The following LIN54 variants were observed in gnomAD, a reference collection of about 807,000 sequenced individuals.
LIN54 encodes the protein protein lin-54 homolog.
A neutral mutation model predicts 78.7 loss-of-function variants in LIN54; 9 were observed. The ratio of observed to expected loss-of-function variants is 0.11; its 90% confidence interval spans 0.07 to 0.20. The LOEUF is 0.20. LIN54 is among the 10% of genes least tolerant of loss of function. The pLI, the probability that LIN54 is intolerant of heterozygous loss-of-function variation, is 1.00. For synonymous variants in LIN54, 269 were observed against 318.4 expected (o/e 0.84, Z 1.65); for missense variants, 573 against 889.9 (o/e 0.64, Z 4.53).
intron 1 of LIN54, among the ~76,000 whole-genome samples, chr4:83,000,965 G>C (rs188469182): frequency 1.3e-5 from 2 of 151,512 alleles, no homozygotes; most frequent in African/African-American, 4.8e-5. Flanking sequence ...TCAAAGGCAC[G>C]CGCCACCACG....
In LIN54 at chr4:82,946,385, A is replaced by G; in HGVS notation, c.1041T>C (p.Asn347=). ...KTIIPLATAP[N]VQQIQVPGSK... ...TTCCAGGCACTTGAATCTGCTGGAC[A>G]TTGGGAGCAGTTGCCAGAGGAATAA... The change falls in exon 5 of 13, where the codon AAT becomes AAC. Residue 347 remains asparagine, a synonymous_variant. Coordinates refer to ENST00000340417, the MANE Select transcript of LIN54 (RefSeq NM_194282.4). 6.2e-7 allele frequency: 1 copy of G among 1,614,096 alleles called. No homozygotes were observed. Among genetic ancestry groups the G allele is most frequent in the Non-Finnish European group, 8.5e-7 (1 of 1,179,934 alleles).
At chr4:83,003,701 G>GT (rs1729056984) in intron 1 of LIN54, among the ~76,000 whole-genome samples, 1 of 151,810 alleles carries the variant, frequency 6.6e-6, no homozygotes, top group African/African-American at 2.4e-5. Context: ...AATTTGTCTA[G>GT]TTTTTCTAGA....
chr4:82,979,690 G>A (rs1726462284), intron 2 of LIN54, among the ~76,000 whole-genome samples: 1 of 152,032 alleles, frequency 6.6e-6, no homozygotes. Flanking sequence ...TGTAATCCCA[G>A]CACTCTGGGA....
At chr4:82,955,250 G>A (rs1724190837) in intron 4 of LIN54, among the ~76,000 whole-genome samples, 1 of 152,080 alleles carries the variant, frequency 6.6e-6, no homozygotes, top group Non-Finnish European at 1.5e-5. Context: ...TGTAATCCCA[G>A]CAGCTCAGGA....
At chr4:82,943,121 ACTT>A (rs1723077743) in intron 5 of LIN54, among the ~76,000 whole-genome samples, 1 of 152,034 alleles carries the variant, frequency 6.6e-6, no homozygotes, top group Non-Finnish European at 1.5e-5. Flanking sequence ...ACTAACTACT[ACTT>A]CAGTTTTCAT....
At chr4:82,940,398 T>G (rs2126037613) in intron 5 of LIN54, among the ~76,000 whole-genome samples, 1 of 151,062 alleles carries the variant, frequency 6.6e-6, no homozygotes, top group Admixed American at 6.6e-5. Flanking sequence ...TGGGTTTTTG[T>G]TTTTTTTTGA....
intron 2 of LIN54, among the ~76,000 whole-genome samples, chr4:82,983,872 A>T (rs2126086350): frequency 6.6e-6 from 1 of 152,334 alleles, no homozygotes; most frequent in East Asian, 1.9e-4. Flanking sequence ...ACATCCTTGT[A>T]ATCAAACTAC....
At chr4:83,004,551 A>G (rs932503467) in intron 1 of LIN54, among the ~76,000 whole-genome samples, 1 of 152,152 alleles carries the variant, frequency 6.6e-6, no homozygotes, top group Non-Finnish European at 1.5e-5. Flanking sequence ...GTGCAATGCC[A>G]AGATCATGGC....
chr4:82,986,702 C>CA (rs70943178), intron 1 of LIN54, among the ~76,000 whole-genome samples: 1,811 of 68,176 alleles, frequency 0.027, 52 homozygotes, highest in African/African-American at 0.063. Flanking sequence ...GACCCCATCT[C>CA]AAAAAAAAAA....
chr4:82,989,826 T>A (rs1727508044), intron 1 of LIN54, among the ~76,000 whole-genome samples: 1 of 152,190 alleles, frequency 6.6e-6, no homozygotes, highest in African/African-American at 2.4e-5. Context: ...AGGTTTTGAA[T>A]CCACCTAAAG....
intron 1 of LIN54, among the ~76,000 whole-genome samples, chr4:82,991,469 TTGTC>T (rs752230471): frequency 2.4e-4 from 36 of 152,340 alleles, no homozygotes; most frequent in Admixed American, 3.9e-4. Flanking sequence ...ACAGTCCATG[TTGTC>T]TGTAACATCT....
At position 82,943,861 on chromosome 4, in the gene LIN54, A is replaced by ATTT. The variant is rs35020887; in HGVS notation, c.1168+2394_1168+2396dup. ...GAAAAGAAGGCACCAGTCAATACTGATTTTTTTTTTTTTTTTTTTTTTTTT... is the reference window on the plus strand; with the variant it reads ...GAAAAGAAGGCACCAGTCAATACTGATTTTTTTTTTTTTTTTTTTTTTTTTTTT... On this transcript the variant is annotated intron_variant, in intron 5 of 12. Transcript: ENST00000340417. 2.3e-3 allele frequency among the ~76,000 whole-genome samples: 293 copies of ATTT among 128,354 alleles called. 5 individuals are homozygous for ATTT. The highest frequency in any genetic ancestry group is 8.6e-3 in the African/African-American group (239 of 27,812). The allele number at this position is 128,354 out of a possible 152,430, so 84.2% of individuals were successfully genotyped here. A position where few individuals can be genotyped will look rare whatever the true frequency, so the allele number is the denominator to read the frequency against.
chr4:83,012,742 C>G (rs953531269), upstream of LIN54: 3 of 151,592 alleles, frequency 2.0e-5, no homozygotes, highest in Non-Finnish European at 4.4e-5. Flanking sequence ...GCCGGTTCCC[C>G]CTTCCCGCCA....
intron 4 of LIN54, among the ~76,000 whole-genome samples, chr4:82,960,323 G>C (rs56208812): frequency 6.6e-6 from 1 of 151,988 alleles, no homozygotes; most frequent in Non-Finnish European, 1.5e-5. Context: ...CACCAGCGGT[G>C]TGTAGAGTTG....
chr4:82,988,066 C>T (rs1480374350), intron 1 of LIN54, among the ~76,000 whole-genome samples: 5 of 152,270 alleles, frequency 3.3e-5, no homozygotes, highest in South Asian at 2.1e-4. Flanking sequence ...TTTTAATAAT[C>T]GCCACTCTGA....
intron 4 of LIN54, among the ~76,000 whole-genome samples, chr4:82,967,198 C>G (rs973284388): frequency 6.7e-6 from 1 of 150,326 alleles, no homozygotes; most frequent in Non-Finnish European, 1.5e-5. Flanking sequence ...TGCACTCCAG[C>G]CTGGTGACAG....
intron 1 of LIN54, among the ~76,000 whole-genome samples, chr4:82,998,004 A>AAT (rs1553958667): frequency 2.1e-4 from 23 of 107,692 alleles, no homozygotes; most frequent in Admixed American, 1.3e-3. Context: ...CAAAAAAAAA[A>AAT]AATAATAATA....
chr4:83,001,427 G>C (rs994354057), intron 1 of LIN54, among the ~76,000 whole-genome samples: 1 of 152,072 alleles, frequency 6.6e-6, no homozygotes, highest in Non-Finnish European at 1.5e-5. Context: ...GTGTGCACCT[G>C]TAGTCCCAGC....
At chr4:82,976,494 G>A (rs1726173056) in intron 3 of LIN54, among the ~76,000 whole-genome samples, 1 of 152,162 alleles carries the variant, frequency 6.6e-6, no homozygotes, top group African/African-American at 2.4e-5. Flanking sequence ...TGGATCACAA[G>A]GTCAGGAGTT....
Sources: allele counts gnomAD v4.1 joint callset (sites outside exome capture counted in the v4.1 genomes callset), GRCh38; gene constraint gnomAD v4.1.1; transcripts MANE v1.5; gene names NCBI Gene and HGNC (gene_info 2026-07-23, HGNC 2026-07-21).